Variants in SLC25A35 observed in about 807,000 individuals in gnomAD.
SLC25A35 encodes solute carrier family 25, member 35.
In SLC25A35, 32 loss-of-function variants were observed where a neutral mutation model predicts 30.5. The observed-to-expected ratio is 1.05, with a 90% confidence interval of 0.79 to 1.41. SLC25A35 has a LOEUF of 1.41. Ranked by LOEUF, SLC25A35 falls within the 40% of genes most tolerant of loss-of-function variation. The pLI is 0.00. For synonymous variants in SLC25A35, 142 were observed against 158.1 expected, an observed-to-expected ratio of 0.90 and a Z score of 0.77; for missense variants, 369 against 388.0, an observed-to-expected ratio of 0.95 and a Z score of 0.41.
downstream of SLC25A35, chr17:8,288,843 C>T: frequency 6.2e-7 from 1 of 1,614,248 alleles, no homozygotes; most frequent in South Asian, 1.1e-5. Context: ...CGCCATCCTC[C>T]CCATGGGGGC....
chr17:8,289,527 C>G (rs776255278), downstream of SLC25A35: 2 of 1,614,190 alleles, frequency 1.2e-6, no homozygotes, highest in East Asian at 2.2e-5. Context: ...GACACTTCAT[C>G]AGGCCTTGCT....
chr17:8,288,999 C>T, downstream of SLC25A35: 3 of 1,614,146 alleles, frequency 1.9e-6, no homozygotes, highest in Non-Finnish European at 2.5e-6. Flanking sequence ...TTTCTGCCAT[C>T]CCGTGACGGA....
At chr17:8,288,513 C>G, downstream of SLC25A35, 1 of 550,544 alleles carries the variant, frequency 1.8e-6, no homozygotes, top group Non-Finnish European at 3.3e-6. Flanking sequence ...GACATAGACC[C>G]TAACCCTAAG....
At chr17:8,292,700 C>T in intron 1 of SLC25A35, 112 bp from the exon 2 acceptor site, 1 of 863,192 alleles carries the variant, frequency 1.2e-6, no homozygotes, top group Non-Finnish European at 2.0e-6. Flanking sequence ...TGAATAGCCT[C>T]TTACTCTGAT....
chr17:8,292,520 C>T lies in SLC25A35; in HGVS notation c.441+3G>A, dbSNP rs763336946. On this transcript the variant is annotated splice_donor_region_variant and intron_variant, in intron 2 of 4. Coordinates refer to ENST00000577745, the MANE Select transcript of SLC25A35 (RefSeq NM_001320870.2). ...GGACTTTGGCAGACTTGGGAACCCT[C>T]ACCTGATGCTTATACTGGTGCCCTA... The T allele has an allele frequency of 1.9e-6, 3 of 1,613,882 alleles. No homozygotes were observed.
In SLC25A35 at chr17:8,290,924, C is replaced by G. The variant is rs1990442439; in HGVS notation, c.647G>C (p.Gly216Ala). Reference protein sequence around the residue: ...KLALVAAMMSGIAVVLAMAPF... With the variant: ...KLALVAAMMSAIAVVLAMAPF... ...TGCCATGGCCAAGACAACTGCAATG[C>G]CACTCATCATGGCAGCCACCAGCGC... The change falls in exon 4 of 5, where the codon GGC (glycine) becomes GCC (alanine). Residue 216 changes from glycine (G) to alanine (A), a missense_variant. Gly to Ala is a moderately conservative substitution (Grantham distance 60). Transcript: ENST00000577745. 1 of 1,613,984 alleles carries G rather than the reference C, an allele frequency of 6.2e-7. No homozygotes were observed. The highest frequency in any genetic ancestry group is 1.7e-5 in the Admixed American group (1 of 59,984).
chr17:8,295,097 G>A lies in SLC25A35; in HGVS notation c.-290C>T. 1 of 1,156,878 alleles carries A rather than the reference G, an allele frequency of 8.6e-7. No individual in the cohort carries two copies. Among genetic ancestry groups the A allele is most frequent in the Non-Finnish European group, 1.1e-6 (1 of 936,034 alleles). 71.7% of individuals were successfully genotyped at this position (1,156,878 alleles called of 1,614,324 possible). ...GTCAAGGAGGGGCAAAAGACAGAAG[G>A]TTGCAGGTGGGATGGCTCAGGATGG... On this transcript the variant is annotated 5_prime_UTR_variant, in exon 1 of 5. Transcript: ENST00000577745.
chr17:8,288,615 C>T (rs570588834), downstream of SLC25A35: 4 of 756,898 alleles, frequency 5.3e-6, no homozygotes, highest in South Asian at 6.1e-5. Flanking sequence ...CCCCCAGGGT[C>T]TTGGCGCCGA....
At chr17:8,287,866 A>C (rs1370038496), downstream of SLC25A35, 2 of 152,190 alleles carry the variant, frequency 1.3e-5, no homozygotes, top group East Asian at 3.9e-4. Context: ...CAAATATTTG[A>C]GAGGAATTAG....
rs778556990 is a variant in SLC25A35 at position 8,291,128 on chromosome 17, G to A, written c.595-152C>T. On this transcript the variant is annotated intron_variant, in intron 3 of 4. Transcript: ENST00000577745. Reference sequence around the variant, plus strand: ...GTGCAAAAACAGTGAGAAGGAGGAAGGCCAGGGTACCCTGAAGGCTCAGGT... The same window carrying A: ...GTGCAAAAACAGTGAGAAGGAGGAAAGCCAGGGTACCCTGAAGGCTCAGGT... The A allele has an allele frequency of 3.1e-6, 4 of 1,306,910 alleles. No individual in the cohort carries two copies. In the Middle Eastern group the frequency reaches 6.0e-4, roughly 195 times the overall value. The allele number at this position is 1,306,910 out of a possible 1,614,324, so 81.0% of individuals were successfully genotyped here.
At chr17:8,288,499 G>T, downstream of SLC25A35, 1 of 512,830 alleles carries the variant, frequency 1.9e-6, no homozygotes, top group Non-Finnish European at 3.5e-6. Context: ...TGACCACCGG[G>T]GGCGACATAG....
chr17:8,294,372 C>T (rs1990719272), intron 1 of SLC25A35, 61 bp downstream of exon 1: 2 of 1,492,282 alleles, frequency 1.3e-6, no homozygotes, highest in Admixed American at 2.2e-5. Flanking sequence ...TGGGAAAGAA[C>T]AGCTCCTATC....
In SLC25A35 at chr17:8,290,094, C is replaced by A. The variant is rs1410594858; in HGVS notation, c.*411G>T. On this transcript the variant is annotated 3_prime_UTR_variant, in exon 5 of 5. Coordinates refer to ENST00000577745, the MANE Select transcript of SLC25A35 (RefSeq NM_001320870.2). ...AAACTTGCTTTATAATCAATATAAT[C>A]TCTGTGCCTTTGAATCTAACAGGAC... The A allele has an allele frequency of 6.6e-7, 1 of 1,519,204 alleles. No individual in the cohort carries two copies. Among genetic ancestry groups the A allele is most frequent in the African/African-American group, 1.4e-5 (1 of 71,890 alleles). 94.1% of individuals were successfully genotyped at this position (1,519,204 alleles called of 1,614,324 possible). A position where few individuals can be genotyped will look rare whatever the true frequency, so the allele number is the denominator to read the frequency against.
intron 3 of SLC25A35, 103 bp downstream of exon 3, chr17:8,291,230 C>T: frequency 6.6e-7 from 1 of 1,522,932 alleles, no homozygotes; most frequent in Non-Finnish European, 8.9e-7. Flanking sequence ...CCTGCCACTC[C>T]CTCACCTGTG....
chr17:8,290,335 A>C lies in SLC25A35; in HGVS notation c.*170T>G. The C allele has an allele frequency of 2.1e-6, 3 of 1,434,510 alleles. No homozygotes were observed. The highest frequency in any genetic ancestry group is 2.7e-6 in the Non-Finnish European group (3 of 1,099,796). 88.9% of individuals were successfully genotyped at this position (1,434,510 alleles called of 1,614,324 possible). On this transcript the variant is annotated 3_prime_UTR_variant, in exon 5 of 5. Transcript: ENST00000577745. ...GTTTAAAGCAACACCCAAGGAAAGA[A>C]GGGAAACTCATCTCTTGTAGTGATT...
At chr17:8,294,001 C>T (rs1320760893) in intron 1 of SLC25A35, among the ~76,000 whole-genome samples, 1 of 149,172 alleles carries the variant, frequency 6.7e-6, no homozygotes, top group South Asian at 2.1e-4. Flanking sequence ...CTGCAAGCTC[C>T]GCCTCCCGGG....
chr17:8,294,825 A>G lies in SLC25A35; in HGVS notation c.-18T>C, dbSNP rs748755994. The stretch of plus-strand genomic sequence containing the variant: ...AAGTCCATGGTGGGATAGCTGTAGC[A>G]GGAACTGACCCAAGAGTAAGAAAGT... On this transcript the variant is annotated 5_prime_UTR_variant, in exon 1 of 5. Transcript: ENST00000577745. 6.4e-7 allele frequency: 1 copy of G among 1,551,456 alleles called. No homozygotes were observed.
Position 8,291,393 on chromosome 17 carries a change from G to A in SLC25A35, c.534C>T (p.Val178=), listed in dbSNP as rs62637609. The change falls in exon 3 of 5, where the codon GTC becomes GTT. Residue 178 remains valine (V), a synonymous_variant. Transcript: ENST00000577745. ...AGGTGCACAGCTGGGTGGAGGAACC[G>A]ACGATAACTCGGGGCAGGCCGCCCA... ...GALGGLPRVI[V]GSSTQLCTFS... 7.4e-6 allele frequency: 12 copies of A among 1,614,062 alleles called. No individual in the cohort carries two copies. The highest frequency in any genetic ancestry group is 2.2e-5 in the South Asian group (2 of 91,092).
rs771453654 is a variant in SLC25A35 at position 8,291,380 on chromosome 17, G to A, written c.547C>T (p.Gln183Ter). 2 of 1,614,188 alleles carry A rather than the reference G, an allele frequency of 1.2e-6. No homozygotes were observed. Among genetic ancestry groups the A allele is most frequent in the Admixed American group, 1.7e-5 (1 of 60,014 alleles). ...LPRVIVGSST[Q>*]LCTFSSTKDL... Reference sequence around the variant, plus strand: ...TTGGTGGATGAGAAGGTGCACAGCTGGGTGGAGGAACCGACGATAACTCGG... The same window carrying A: ...TTGGTGGATGAGAAGGTGCACAGCTAGGTGGAGGAACCGACGATAACTCGG... Residue 183 changes from glutamine to a stop codon, truncating the protein, a stop_gained, in exon 3 of 5, where the codon CAG (glutamine) becomes TAG (stop). Transcript: ENST00000577745. LOFTEE classifies it high-confidence loss of function.
Sources: allele counts gnomAD v4.1 joint callset (sites outside exome capture counted in the v4.1 genomes callset), GRCh38; gene constraint gnomAD v4.1.1; transcripts MANE v1.5; gene names NCBI Gene and HGNC (gene_info 2026-07-23, HGNC 2026-07-21).